The following FOXN3 variants were observed in gnomAD, a reference collection of about 807,000 sequenced individuals.
FOXN3 encodes the protein forkhead box N3.
FOXN3 carries 7 observed loss-of-function variants against 38.4 expected under a neutral mutation model. The ratio of observed to expected loss-of-function variants is 0.18; its 90% CI spans 0.10 to 0.34. The LOEUF is 0.34. Ranked by LOEUF, FOXN3 falls within the 10% of genes least tolerant of loss-of-function variation. FOXN3 has a pLI of 1.00. For synonymous variants in FOXN3, 230 were observed against 242.2 expected (o/e 0.95, Z 0.47); for missense variants, 456 against 613.4 (o/e 0.74, Z 2.71).
Position 89,162,720 on chromosome 14 carries a change from G to A in FOXN3, c.1101C>T (p.Ser367=). ...TGTCGTCCTCTTCCGTGTCGCTGGG[G>A]CTCTCGTGGCTCCGGAAGCTCCCCT... The part of the protein sequence containing the change: ...GSEGSFRSHE[S]PSDTEEDDRK... Residue 367 remains serine, a synonymous_variant, in exon 6 of 6, where the codon AGC becomes AGT. Transcript: ENST00000557258. This position sits in a 1 kb window ranked among gnomAD's most constrained non-coding sequence, Gnocchi z 7.2. 1 of 1,613,990 alleles carries A rather than the reference G, an allele frequency of 6.2e-7. No individual in the cohort carries two copies. The highest frequency in any genetic ancestry group is 8.5e-7 in the Non-Finnish European group (1 of 1,179,964).
chr14:89,310,634 A>T (rs913027215), intron 3 of FOXN3, among the ~76,000 whole-genome samples: 1 of 152,238 alleles, frequency 6.6e-6, no homozygotes, highest in African/African-American at 2.4e-5. Flanking sequence ...ACAGACAAGG[A>T]TGAAAAGAGA....
intron 4 of FOXN3, among the ~76,000 whole-genome samples, chr14:89,256,951 A>G (rs925219223): frequency 2.6e-5 from 4 of 152,256 alleles, no homozygotes; most frequent in African/African-American, 7.2e-5. Flanking sequence ...AAAAAGCAGT[A>G]TAGTTTAGAC....
chr14:89,610,892 T>C (rs973433053), intron 1 of FOXN3, among the ~76,000 whole-genome samples: 1 of 152,250 alleles, frequency 6.6e-6, no homozygotes, highest in Admixed American at 6.5e-5. Context: ...AATAATTTCA[T>C]ACATGTGAAA....
intron 2 of FOXN3, among the ~76,000 whole-genome samples, chr14:89,368,094 C>T (rs138319566): frequency 0.018 from 2,802 of 151,848 alleles, 85 homozygotes; most frequent in African/African-American, 0.064. Context: ...TTTGGGAGGC[C>T]GAGGCGGGTG....
At position 89,165,050 on chromosome 14, in the gene FOXN3, G is replaced by T. The variant is rs73319283; in HGVS notation, c.852-2081C>A. Among the ~76,000 whole-genome samples, 614 of 152,272 alleles carry T rather than the reference G, an allele frequency of 4.0e-3. 4 individuals are homozygous for T. Among genetic ancestry groups the T allele is most frequent in the African/African-American group, 0.014 (591 of 41,544 alleles). ...GGGTCATTATCAAAACTCAGCCTTT[G>T]CTAGATGTCCGAGAGCCTCCTGATG... is the stretch of plus-strand genomic sequence containing the variant. On this transcript the variant is annotated intron_variant, in intron 5 of 5. Transcript: ENST00000557258.
chr14:89,198,575 T>C (rs1415491279), intron 4 of FOXN3, among the ~76,000 whole-genome samples: 1 of 152,252 alleles, frequency 6.6e-6, no homozygotes, highest in Non-Finnish European at 1.5e-5. Context: ...TAAGCCAGTA[T>C]TTCCAACTGC....
At chr14:89,230,514 T>G (rs148095263) in intron 4 of FOXN3, among the ~76,000 whole-genome samples, 1 of 152,270 alleles carries the variant, frequency 6.6e-6, no homozygotes, top group East Asian at 1.9e-4. Context: ...CTAGGGTGTA[T>G]GGGATTAAGT....
intron 4 of FOXN3, among the ~76,000 whole-genome samples, chr14:89,251,837 G>T (rs907998259): frequency 6.6e-6 from 1 of 152,178 alleles, no homozygotes; most frequent in Non-Finnish European, 1.5e-5. Flanking sequence ...GAAATGCAAA[G>T]GTGTCTTTAC....
chr14:89,597,134 C>CGTAAA (rs1406681991), intron 1 of FOXN3, among the ~76,000 whole-genome samples: 5 of 152,172 alleles, frequency 3.3e-5, no homozygotes, highest in Admixed American at 3.3e-4. Flanking sequence ...CATTGCTTTA[C>CGTAAA]ATGCATTCCA....
At chr14:89,313,399 A>T (rs1887623454) in intron 3 of FOXN3, among the ~76,000 whole-genome samples, 1 of 152,132 alleles carries the variant, frequency 6.6e-6, no homozygotes, top group South Asian at 2.1e-4. Flanking sequence ...TCTCTCCTAA[A>T]ATACGAAAAT....
At chr14:89,551,608 G>T (rs1895007459) in intron 1 of FOXN3, among the ~76,000 whole-genome samples, 1 of 152,122 alleles carries the variant, frequency 6.6e-6, no homozygotes, top group South Asian at 2.1e-4. Context: ...GCCCCACACA[G>T]TCCTCTAGGG....
intron 4 of FOXN3, among the ~76,000 whole-genome samples, chr14:89,184,420 G>A (rs1383051556): frequency 6.6e-6 from 1 of 152,204 alleles, no homozygotes; most frequent in Non-Finnish European, 1.5e-5. Flanking sequence ...GCATGACAGA[G>A]TCCTCTGCCC....
chr14:89,619,142 CA>C (rs1566720385), upstream of FOXN3: 1 of 151,004 alleles, frequency 6.6e-6, no homozygotes, highest in Non-Finnish European at 1.5e-5. Flanking sequence ...CGAGCTGCAG[CA>C]GATCGCGGCC....
intron 2 of FOXN3, among the ~76,000 whole-genome samples, chr14:89,398,292 A>G (rs573891489): frequency 1.8e-4 from 27 of 152,252 alleles, no homozygotes; most frequent in Non-Finnish European, 3.7e-4. Flanking sequence ...GGGCTAGTGC[A>G]TAACAGTCAG....
chr14:89,366,763 G>A (rs1297790072), intron 2 of FOXN3, among the ~76,000 whole-genome samples: 2 of 152,140 alleles, frequency 1.3e-5, no homozygotes, highest in African/African-American at 4.8e-5. Flanking sequence ...TTTCCATGCT[G>A]CACACAGTAA....
intron 2 of FOXN3, among the ~76,000 whole-genome samples, chr14:89,395,578 T>C (rs1414847928): frequency 6.6e-6 from 1 of 152,112 alleles, no homozygotes; most frequent in Non-Finnish European, 1.5e-5. Flanking sequence ...TCTCTCCCAC[T>C]AGACTAGAAA....
chr14:89,187,795 A>T (rs960619876), intron 4 of FOXN3, among the ~76,000 whole-genome samples: 8 of 152,164 alleles, frequency 5.3e-5, no homozygotes, highest in Non-Finnish European at 1.2e-4. Context: ...CCAAGTGCAC[A>T]GAGAAGACGC....
intron 1 of FOXN3, among the ~76,000 whole-genome samples, chr14:89,469,830 T>C (rs1366109491): frequency 1.3e-5 from 2 of 152,252 alleles, no homozygotes; most frequent in African/African-American, 4.8e-5. Context: ...GCAGGATCGT[T>C]CCATGTACAC....
intron 3 of FOXN3, among the ~76,000 whole-genome samples, chr14:89,338,892 A>G (rs189058370): frequency 7.2e-5 from 11 of 152,366 alleles, no homozygotes; most frequent in Middle Eastern, 3.4e-3. Flanking sequence ...GTGAGGAAGG[A>G]GAAATCAAAT....
Sources: gnomAD v4.1 joint callset for allele counts (sites outside exome capture counted in the v4.1 genomes callset) on GRCh38, gnomAD v4.1.1 for gene constraint, Gnocchi (gnomAD v3.1) non-coding constraint, MANE v1.5 for transcripts, NCBI Gene and HGNC (gene_info 2026-07-23, HGNC 2026-07-21) for gene names.